NALF1: variants seen among roughly 807,000 people sequenced by gnomAD.
NALF1 encodes the protein NALCN channel auxiliary factor 1.
NALF1 carries 3 observed loss-of-function variants against 48.4 expected under a neutral mutation model. That is an observed-to-expected ratio of 0.06 (90% CI 0.03 to 0.16). The LOEUF (loss-of-function observed/expected upper bound fraction) is 0.16. Ranked by LOEUF, NALF1 falls within the 10% of genes least tolerant of loss-of-function variation. The pLI, the probability that NALF1 is intolerant of heterozygous loss-of-function variation, is 1.00. For missense variants in NALF1, 526 were observed against 571.5 expected, an observed-to-expected ratio of 0.92 and a Z score of 0.81; for synonymous variants, 262 against 245.7, an observed-to-expected ratio of 1.07 and a Z score of -0.62.
At chr13:107,438,286 G>GA (rs1461252147) in intron 1 of NALF1, among the ~76,000 whole-genome samples, 4 of 152,048 alleles carry the variant, frequency 2.6e-5, no homozygotes, top group Non-Finnish European at 5.9e-5. Flanking sequence ...GTTTGAAGAG[G>GA]AAAATGTATA....
intron 1 of NALF1, among the ~76,000 whole-genome samples, chr13:107,496,495 C>T (rs986719674): frequency 6.6e-6 from 1 of 152,136 alleles, no homozygotes; most frequent in Non-Finnish European, 1.5e-5. Flanking sequence ...GGAAGCAGTG[C>T]CATGAGTGTC....
At chr13:107,527,814 G>A (rs1006231682) in intron 1 of NALF1, among the ~76,000 whole-genome samples, 2 of 152,046 alleles carry the variant, frequency 1.3e-5, no homozygotes, top group African/African-American at 4.8e-5. Flanking sequence ...TTCTGCTTCT[G>A]CCATGATTGT....
chr13:107,178,105 A>G (rs1350435926), intron 2 of NALF1, among the ~76,000 whole-genome samples: 1 of 152,208 alleles, frequency 6.6e-6, no homozygotes, highest in Non-Finnish European at 1.5e-5. Context: ...AATTACTAAA[A>G]GAAAACACTA....
At chr13:107,577,145 T>C (rs1029217011) in intron 1 of NALF1, among the ~76,000 whole-genome samples, 7 of 152,214 alleles carry the variant, frequency 4.6e-5, no homozygotes, top group African/African-American at 1.7e-4. Flanking sequence ...TTCCATCTTC[T>C]ACCATTGACA....
intron 1 of NALF1, among the ~76,000 whole-genome samples, chr13:107,674,400 C>T (rs1881065038): frequency 6.6e-6 from 1 of 152,234 alleles, no homozygotes; most frequent in Admixed American, 6.5e-5. Context: ...TTAGCCCTCG[C>T]TGGATCACTC....
intron 1 of NALF1, among the ~76,000 whole-genome samples, chr13:107,465,751 A>G (rs1884991908): frequency 6.6e-6 from 1 of 152,172 alleles, no homozygotes; most frequent in African/African-American, 2.4e-5. Flanking sequence ...TGTCTTGCTC[A>G]CAATTCTGAA....
intron 1 of NALF1, among the ~76,000 whole-genome samples, chr13:107,287,935 G>A (rs531764187): frequency 1.3e-5 from 2 of 151,584 alleles, no homozygotes; most frequent in East Asian, 2.0e-4. Flanking sequence ...TTGAACTCTT[G>A]ACCTCAAGGT....
intron 1 of NALF1, among the ~76,000 whole-genome samples, chr13:107,596,824 T>C (rs895900966): frequency 2.6e-5 from 4 of 152,166 alleles, no homozygotes; most frequent in African/African-American, 7.2e-5. Flanking sequence ...AAGTATAATA[T>C]ATGGAAAAAG....
At chr13:107,641,576 G>A (rs1208880076) in intron 1 of NALF1, among the ~76,000 whole-genome samples, 3 of 152,134 alleles carry the variant, frequency 2.0e-5, no homozygotes, top group Non-Finnish European at 4.4e-5. Flanking sequence ...AAAACAAATA[G>A]AGATTTGGAG....
At chr13:107,864,366 G>C (rs1218167300) in intron 1 of NALF1, among the ~76,000 whole-genome samples, 1 of 152,210 alleles carries the variant, frequency 6.6e-6, no homozygotes, top group African/African-American at 2.4e-5. Context: ...TCCGCCCAAA[G>C]TAAAATATGG....
At chr13:107,215,574 G>C (rs1047470953) in intron 1 of NALF1, among the ~76,000 whole-genome samples, 3 of 152,140 alleles carry the variant, frequency 2.0e-5, no homozygotes, top group African/African-American at 7.2e-5. Flanking sequence ...GGAGTACTTT[G>C]CTTCCTGATT....
intron 1 of NALF1, among the ~76,000 whole-genome samples, chr13:107,517,750 T>C (rs1431154619): frequency 6.6e-6 from 1 of 152,036 alleles, no homozygotes; most frequent in Non-Finnish European, 1.5e-5. Context: ...AGGTCAGGTG[T>C]TCGAGACCAG....
chr13:107,654,299 T>C (rs962030098), intron 1 of NALF1, among the ~76,000 whole-genome samples: 1 of 152,130 alleles, frequency 6.6e-6, no homozygotes, highest in Non-Finnish European at 1.5e-5. Flanking sequence ...GTAACTGTAG[T>C]TTTTGCATTA....
At chr13:107,359,839 G>A (rs1883030195) in intron 1 of NALF1, among the ~76,000 whole-genome samples, 2 of 152,142 alleles carry the variant, frequency 1.3e-5, no homozygotes, top group African/African-American at 2.4e-5. Context: ...GGAAAACTAT[G>A]CAACCACCTT....
chr13:107,340,330 A>ATTTTT (rs1882646321), intron 1 of NALF1, among the ~76,000 whole-genome samples: 1 of 152,010 alleles, frequency 6.6e-6, no homozygotes, highest in Non-Finnish European at 1.5e-5. Flanking sequence ...TAGTAGAGAC[A>ATTTTT]GGGTTTCACC....
chr13:107,663,332 A>G (rs977009385), intron 1 of NALF1, among the ~76,000 whole-genome samples: 1 of 152,214 alleles, frequency 6.6e-6, no homozygotes, highest in Non-Finnish European at 1.5e-5. Flanking sequence ...TGAATAGAAA[A>G]CTAATGAAAT....
chr13:107,562,738 T>C lies in NALF1; in HGVS notation c.915+302944A>G, dbSNP rs999368765. Among the ~76,000 whole-genome samples, 3 of 152,246 alleles carry C rather than the reference T, an allele frequency of 2.0e-5. No individual in the cohort carries two copies. The South Asian group carries it at 6.2e-4, about 32-fold the overall frequency. ...ATCTTTTGACTATGCCTTGTGCTCC[T>C]GGCTAAAAGAGCAACCAGAATAAAT... On this transcript the variant is annotated intron_variant, in intron 1 of 2. Transcript: ENST00000375915.
chr13:107,489,339 A>G (rs923543457), intron 1 of NALF1, among the ~76,000 whole-genome samples: 5 of 152,166 alleles, frequency 3.3e-5, no homozygotes, highest in African/African-American at 1.2e-4. Flanking sequence ...CCTAAACAAG[A>G]ACAAAGCTGG....
At chr13:107,375,006 A>C (rs1466844435) in intron 1 of NALF1, among the ~76,000 whole-genome samples, 1 of 152,216 alleles carries the variant, frequency 6.6e-6, no homozygotes, top group Non-Finnish European at 1.5e-5. Context: ...ACTGGTTTAA[A>C]AAATTAACCT....
Sources: allele counts gnomAD v4.1 joint callset (sites outside exome capture counted in the v4.1 genomes callset), GRCh38; gene constraint gnomAD v4.1.1; transcripts MANE v1.5; gene names NCBI Gene and HGNC (gene_info 2026-07-23, HGNC 2026-07-21).